The following ZBBX variants were observed in gnomAD, a reference collection of about 807,000 sequenced individuals.
The protein encoded by ZBBX is zinc finger B-box domain containing.
ZBBX carries 101 observed loss-of-function variants against 108.5 expected under a neutral mutation model. That is an observed-to-expected ratio of 0.93 (90% confidence interval 0.79 to 1.10). ZBBX has a LOEUF of 1.10. Ranked by LOEUF, ZBBX falls within the 50% of genes least tolerant of loss-of-function variation. ZBBX has a pLI of 0.00. For synonymous variants in ZBBX, 356 were observed against 323.4 expected, an observed-to-expected ratio of 1.10 and a Z score of -1.08; for missense variants, 1,009 against 941.4, an observed-to-expected ratio of 1.07 and a Z score of -0.94.
intron 8 of ZBBX, among the ~76,000 whole-genome samples, chr3:167,358,935 CAAAAAAAAAAA>C (rs59753251): frequency 2.0e-4 from 13 of 66,232 alleles, no homozygotes; most frequent in East Asian, 9.9e-4. Flanking sequence ...GACTCCATCT[CAAAAAAAAAAA>C]AAAAAAAAAA....
intron 17 of ZBBX, among the ~76,000 whole-genome samples, chr3:167,301,334 T>G (rs1191150150): frequency 1.3e-5 from 2 of 152,170 alleles, no homozygotes; most frequent in Non-Finnish European, 2.9e-5. Flanking sequence ...ATCATCAGAC[T>G]ATCTAACTAA....
At chr3:167,310,162 C>T (rs774912069) in intron 16 of ZBBX, among the ~76,000 whole-genome samples, 27 of 152,140 alleles carry the variant, frequency 1.8e-4, no homozygotes, top group African/African-American at 6.0e-4. Flanking sequence ...CAAAAGTGAC[C>T]GTTACTTCAG....
At chr3:167,314,160 G>A in intron 15 of ZBBX, 44 bp from the exon 16 acceptor site, 2 of 1,498,594 alleles carry the variant, frequency 1.3e-6, no homozygotes, top group Non-Finnish European at 1.8e-6. Context: ...TTGAAAAAAT[G>A]ATTTTAAAAA....
chr3:167,283,290 C>T (rs554231122), intron 19 of ZBBX, among the ~76,000 whole-genome samples: 1 of 152,188 alleles, frequency 6.6e-6, no homozygotes, highest in South Asian at 2.1e-4. Flanking sequence ...TTTGGTATTT[C>T]TCACAAAATA....
At chr3:167,252,259 G>T (rs1722754793) in intron 20 of ZBBX, 7 of 1,093,620 alleles carry the variant, frequency 6.4e-6, no homozygotes, top group Non-Finnish European at 7.4e-6. Context: ...ACACAATAAT[G>T]CAGCTTTCAC....
chr3:167,290,465 G>A (rs1212114583), intron 18 of ZBBX, among the ~76,000 whole-genome samples: 1 of 152,088 alleles, frequency 6.6e-6, no homozygotes, highest in Non-Finnish European at 1.5e-5. Context: ...CAGAGGAGCT[G>A]GACTGTTAGA....
intron 18 of ZBBX, among the ~76,000 whole-genome samples, chr3:167,297,372 T>C (rs1187679815): frequency 6.6e-6 from 1 of 152,018 alleles, no homozygotes; most frequent in Middle Eastern, 3.2e-3. Flanking sequence ...TTTGATACCA[T>C]GTACAAAAAT....
chr3:167,324,559 A>T (rs1737033694), intron 11 of ZBBX, among the ~76,000 whole-genome samples: 1 of 151,976 alleles, frequency 6.6e-6, no homozygotes, highest in Admixed American at 6.6e-5. Flanking sequence ...TAGGTAAAAC[A>T]GTAGGCTGCA....
intron 19 of ZBBX, among the ~76,000 whole-genome samples, chr3:167,284,584 C>A (rs181765129): frequency 6.6e-6 from 1 of 152,146 alleles, no homozygotes; most frequent in Admixed American, 6.6e-5. Context: ...AATGTAGATG[C>A]CCTTCAGAAA....
the ZBBX span, among the ~76,000 whole-genome samples, chr3:167,226,080 A>T: frequency 6.7e-6 from 1 of 148,906 alleles, no homozygotes; most frequent in Non-Finnish European, 1.5e-5. Context: ...AGTGACTGTG[A>T]TTAAAAAAAA....
At chr3:167,193,331 A>T in the ZBBX span, among the ~76,000 whole-genome samples, 1 of 152,248 alleles carries the variant, frequency 6.6e-6, no homozygotes, top group South Asian at 2.1e-4. Flanking sequence ...TGTGCCCAGG[A>T]AATCTGTGAA....
At chr3:167,367,377 C>T (rs1308281387) in intron 5 of ZBBX, among the ~76,000 whole-genome samples, 1 of 151,702 alleles carries the variant, frequency 6.6e-6, no homozygotes, top group Non-Finnish European at 1.5e-5. Context: ...TTCATGGCAG[C>T]ATTTATAATC....
intron 8 of ZBBX, among the ~76,000 whole-genome samples, chr3:167,357,155 G>A (rs1743715697): frequency 6.6e-6 from 1 of 152,126 alleles, no homozygotes; most frequent in African/African-American, 2.4e-5. Context: ...TTGCTAAAGA[G>A]TAAGTATAGA....
At chr3:167,405,063 A>T (rs926199798) in intron 1 of ZBBX, among the ~76,000 whole-genome samples, 9 of 152,204 alleles carry the variant, frequency 5.9e-5, no homozygotes, top group African/African-American at 9.6e-5. Flanking sequence ...AGGAGACTGC[A>T]TGGATGCTTT....
At chr3:167,404,491 A>T (rs1748521360) in intron 1 of ZBBX, among the ~76,000 whole-genome samples, 1 of 151,574 alleles carries the variant, frequency 6.6e-6, no homozygotes, top group African/African-American at 2.4e-5. Context: ...GGGTGATGTC[A>T]GCTGGAGAGG....
At chr3:167,374,475 A>G (rs981605087) in intron 2 of ZBBX, among the ~76,000 whole-genome samples, 6 of 152,224 alleles carry the variant, frequency 3.9e-5, no homozygotes, top group Non-Finnish European at 8.8e-5. Context: ...AAGTTCTAAG[A>G]GCTTTTAAAG....
chr3:167,348,345 AAAGAAAGAAAGAAAGAAAGAAAG>A (rs1193374167), intron 9 of ZBBX, among the ~76,000 whole-genome samples: 5 of 115,266 alleles, frequency 4.3e-5, no homozygotes, highest in African/African-American at 1.7e-4. Context: ...AGAAAGAAAG[AAAGAAAGAAAGAAAGAAAGAAAG>A]AAAAAAAAGA....
Position 167,282,363 on chromosome 3 carries a change from G to A in ZBBX, c.2129C>T (p.Ser710Phe). Reference protein sequence around the residue: ...AAAQSSSRAASEISEIEYIDI... With the variant: ...AAAQSSSRAAFEISEIEYIDI... ...AATATATTCAATTTCTGAAATTTCA[G>A]AAGCAGCTCTAGATGATGATTGAGC... is the stretch of plus-strand genomic sequence containing the variant. The change falls in exon 20 of 22, where the codon TCT (serine) becomes TTT (phenylalanine). Residue 710 changes from serine (S) to phenylalanine (F), a missense_variant. Ser to Phe is a radical substitution (Grantham distance 155, BLOSUM62 -2). Transcript: ENST00000675490. 11 of 1,614,070 alleles carry A rather than the reference G, an allele frequency of 6.8e-6. No individual in the cohort carries two copies. The highest frequency in any genetic ancestry group is 9.3e-6 in the Non-Finnish European group (11 of 1,180,008).
chr3:167,185,392 G>A, the ZBBX span, among the ~76,000 whole-genome samples: 11 of 152,026 alleles, frequency 7.2e-5, no homozygotes, highest in African/African-American at 2.7e-4. Context: ...GTAAAATTTG[G>A]TGGAATAGGA....
Sources: gnomAD v4.1 joint callset for allele counts (sites outside exome capture counted in the v4.1 genomes callset) on GRCh38, gnomAD v4.1.1 for gene constraint, MANE v1.5 for transcripts, NCBI Gene and HGNC (gene_info 2026-07-23, HGNC 2026-07-21) for gene names.